Variants in HDAC11 observed in about 807,000 individuals in gnomAD.
The protein encoded by HDAC11 is histone deacetylase 11.
HDAC11 carries 23 observed loss-of-function variants against 41.1 expected under a neutral mutation model. That is an observed-to-expected ratio of 0.56 (90% CI 0.40 to 0.79). The LOEUF is 0.79. Ranked by LOEUF, HDAC11 falls within the 30% of genes least tolerant of loss-of-function variation. HDAC11 has a pLI of 0.00. For synonymous variants in HDAC11, 187 were observed against 186.6 expected (o/e 1.00, Z -0.02); for missense variants, 402 against 477.3 (o/e 0.84, Z 1.47).
rs1702607743 is a variant in HDAC11, at chr3:13,506,001, G to C, written c.*1318G>C. 1 of 152,218 alleles carries C rather than the reference G, an allele frequency of 6.6e-6. No homozygotes were observed. The highest frequency in any genetic ancestry group is 2.1e-4 in the South Asian group (1 of 4,828). The allele number at this position is 152,218 out of a possible 1,614,324, so 9.4% of individuals were successfully genotyped here. On this transcript the variant is annotated 3_prime_UTR_variant, in exon 10 of 10. Coordinates refer to ENST00000295757, the MANE Select transcript of HDAC11 (RefSeq NM_024827.4). Reference sequence around the variant, plus strand: ...CGGGACTTGTGTTCATTACAGTGAGGGGGTGCTCCCACTGTCTCCCGGCCT... The same window carrying C: ...CGGGACTTGTGTTCATTACAGTGAGCGGGTGCTCCCACTGTCTCCCGGCCT...
intron 3 of HDAC11, 34 bp downstream of exon 3, chr3:13,483,598 TG>T: frequency 9.2e-7 from 1 of 1,087,154 alleles, no homozygotes; most frequent in East Asian, 2.7e-5. Flanking sequence ...GCTGCGGGCC[TG>T]GGGCAGGGGG....
chr3:13,495,836 T>C (rs1116048), intron 3 of HDAC11, among the ~76,000 whole-genome samples: 123,682 of 152,152 alleles, frequency 0.81, 50,440 homozygotes, highest in African/African-American at 0.86. Context: ...GCAAATGCCA[T>C]CACCCCCAGA....
intron 5 of HDAC11, among the ~76,000 whole-genome samples, chr3:13,499,093 G>A (rs59528620): frequency 0.043 from 6,475 of 152,294 alleles, 211 homozygotes; most frequent in African/African-American, 0.098. Flanking sequence ...GGGCTGCACG[G>A]GAGTCTCCCT....
intron 3 of HDAC11, among the ~76,000 whole-genome samples, chr3:13,491,325 G>T (rs1000571081): frequency 1.3e-5 from 2 of 152,010 alleles, no homozygotes; most frequent in Non-Finnish European, 2.9e-5. Context: ...TGAGTATAAT[G>T]TCAGCTGTGG....
chr3:13,483,997 G>A (rs535974807), intron 3 of HDAC11, among the ~76,000 whole-genome samples: 9 of 152,102 alleles, frequency 5.9e-5, no homozygotes, highest in East Asian at 1.9e-4. Flanking sequence ...TCACTCTGTC[G>A]CCCAGGCTGG....
intron 3 of HDAC11, among the ~76,000 whole-genome samples, chr3:13,487,237 G>C (rs953618910): frequency 7.9e-5 from 12 of 152,210 alleles, no homozygotes; most frequent in African/African-American, 2.9e-4. Flanking sequence ...CCCTGCAGAT[G>C]TCTGCAATGT....
chr3:13,501,216 A>T (rs1702350627), intron 6 of HDAC11, among the ~76,000 whole-genome samples: 1 of 152,226 alleles, frequency 6.6e-6, no homozygotes, highest in Non-Finnish European at 1.5e-5. Context: ...GCAGACAGAC[A>T]GGGGCCCACA....
Position 13,502,001 on chromosome 3 carries a change from C to A in HDAC11, c.552+68C>A, listed in dbSNP as rs555598219. 30 of 1,346,230 alleles carry A rather than the reference C, an allele frequency of 2.2e-5. No homozygotes were observed. In the East Asian group the frequency reaches 6.5e-4, roughly 29 times the overall value. The allele number at this position is 1,346,230 out of a possible 1,614,324, so 83.4% of individuals were successfully genotyped here. A position where few individuals can be genotyped will look rare whatever the true frequency, so the allele number is the denominator to read the frequency against. On this transcript the variant is annotated intron_variant, in intron 7 of 9. Coordinates refer to ENST00000295757, the MANE Select transcript of HDAC11 (RefSeq NM_024827.4). The surrounding 1 kb of genome is among the most constrained non-coding windows in gnomAD (Gnocchi z 4.1). ...CCCCAGTTCCAGAATCTTCCCGGGG[C>A]AGGAGAGTCTCCCTCCTCATGTCCC... is the stretch of plus-strand genomic sequence containing the variant.
At chr3:13,498,466 G>A in intron 4 of HDAC11, 47 bp from the exon 5 acceptor site, 3 of 1,611,512 alleles carry the variant, frequency 1.9e-6, no homozygotes, top group Non-Finnish European at 2.5e-6. Context: ...ATGAATGACT[G>A]GTGGATCGGC....
intron 3 of HDAC11, among the ~76,000 whole-genome samples, chr3:13,493,980 G>C (rs560936833): frequency 1.3e-5 from 2 of 152,314 alleles, no homozygotes; most frequent in African/African-American, 4.8e-5. Context: ...TCTGACATCT[G>C]GGGGGAGCAA....
At chr3:13,486,540 A>G (rs1347855668) in intron 3 of HDAC11, among the ~76,000 whole-genome samples, 17 of 150,956 alleles carry the variant, frequency 1.1e-4, no homozygotes, top group Non-Finnish European at 4.4e-5. Context: ...TTGAGACTAA[A>G]CAAAGGAGCA....
At chr3:13,503,563 T>C (rs1702472212) in intron 8 of HDAC11, among the ~76,000 whole-genome samples, 1 of 152,172 alleles carries the variant, frequency 6.6e-6, no homozygotes, top group Non-Finnish European at 1.5e-5. Context: ...AAACTCCATC[T>C]CGAAAGAAAG....
chr3:13,480,791 G>T lies in HDAC11; in HGVS notation c.2+442G>T, dbSNP rs1330349959. ...TGGCTCAGGTTGGGTCCCGACTTGG[G>T]TTTCTGAGTGCTTACTGTGCTCAGC... is the stretch of plus-strand genomic sequence containing the variant. On this transcript the variant is annotated intron_variant, in intron 1 of 9. Coordinates refer to ENST00000295757, the MANE Select transcript of HDAC11 (RefSeq NM_024827.4). This position sits in a 1 kb window ranked among gnomAD's most constrained non-coding sequence, Gnocchi z 4.6. 4 of 446,654 alleles carry T rather than the reference G, an allele frequency of 9.0e-6. No individual in the cohort carries two copies. Among genetic ancestry groups the T allele is most frequent in the Admixed American group, 8.1e-5 (3 of 37,158 alleles). The allele number at this position is 446,654 out of a possible 1,614,324, so 27.7% of individuals were successfully genotyped here. A position where few individuals can be genotyped will look rare whatever the true frequency, so the allele number is the denominator to read the frequency against.
chr3:13,501,888 G>A lies in HDAC11; in HGVS notation c.507G>A (p.Val169=), dbSNP rs774642166. The change falls in exon 7 of 10, where the codon GTG becomes GTA. Residue 169 remains valine (V), a synonymous_variant. Transcript: ENST00000295757. ...CCTGGCAGTTTCTGTTTGAGCGTGT[G>A]GAGGGCATCTCCAGGGCTACCATCA... ...TLAIKFLFER[V]EGISRATIID... The A allele has an allele frequency of 1.9e-6, 3 of 1,613,986 alleles. No homozygotes were observed. Among genetic ancestry groups the A allele is most frequent in the Non-Finnish European group, 2.5e-6 (3 of 1,179,960 alleles).
At chr3:13,485,276 C>T (rs960524888) in intron 3 of HDAC11, among the ~76,000 whole-genome samples, 1 of 152,234 alleles carries the variant, frequency 6.6e-6, no homozygotes, top group Non-Finnish European at 1.5e-5. Flanking sequence ...GAGGTTGAAA[C>T]CTGGCTCCTG....
rs1258951169 is a variant in HDAC11 at position 13,504,237 on chromosome 3, G to A, written c.793G>A (p.Gly265Arg). The A allele has an allele frequency of 1.2e-6, 2 of 1,613,654 alleles. No individual in the cohort carries two copies. Among genetic ancestry groups the A allele is most frequent in the African/African-American group, 1.3e-5 (1 of 75,044 alleles). ...VYNAGTDILE[G>R]DRLGGLSISP... The stretch of plus-strand genomic sequence containing the variant: ...CAATGCAGGCACCGACATCCTCGAG[G>A]GGGACCGCCTTGGGGGGCTGTCCAT... Residue 265 changes from glycine to arginine, a missense_variant, in exon 9 of 10, where the codon GGG becomes AGG. By Grantham distance (125) the Gly-to-Arg change is moderately radical (BLOSUM62 -2). Coordinates refer to ENST00000295757, the MANE Select transcript of HDAC11 (RefSeq NM_024827.4).
In HDAC11 at chr3:13,504,584, C is replaced by A. The variant is rs772327207; in HGVS notation, c.945C>A (p.Ser315=). The change falls in exon 10 of 10, where the codon TCC becomes TCA. Residue 315 remains serine (S), a synonymous_variant. Coordinates refer to ENST00000295757, the MANE Select transcript of HDAC11 (RefSeq NM_024827.4). ...QKRTARIIAD[S]ILNLFGLGLI... ...GCACAGCCCGCATCATTGCTGACTC[C>A]ATACTTAATCTGTTTGGCCTGGGGC... 1 of 1,613,830 alleles carries A rather than the reference C, an allele frequency of 6.2e-7. No homozygotes were observed. Among genetic ancestry groups the A allele is most frequent in the South Asian group, 1.1e-5 (1 of 91,088 alleles).
At chr3:13,492,236 G>C (rs970547755) in intron 3 of HDAC11, among the ~76,000 whole-genome samples, 3 of 152,236 alleles carry the variant, frequency 2.0e-5, no homozygotes, top group Admixed American at 6.5e-5. Flanking sequence ...TGGCCTGGCT[G>C]TTACAGGCCC....
chr3:13,495,616 A>G (rs1702061294), intron 3 of HDAC11, among the ~76,000 whole-genome samples: 2 of 152,126 alleles, frequency 1.3e-5, no homozygotes, highest in Admixed American at 6.5e-5. Flanking sequence ...CAGCTAGTGC[A>G]GCTTGGGACA....
Sources: gnomAD v4.1 joint callset for allele counts (sites outside exome capture counted in the v4.1 genomes callset) on GRCh38, gnomAD v4.1.1 for gene constraint, Gnocchi (gnomAD v3.1) non-coding constraint, MANE v1.5 for transcripts, NCBI Gene and HGNC (gene_info 2026-07-23, HGNC 2026-07-21) for gene names.